Variants in PDE1C observed in about 807,000 individuals in gnomAD.
PDE1C encodes the protein phosphodiesterase 1C, also known as dual specificity calcium/calmodulin-dependent 3',5'-cyclic nucleotide phosphodiesterase 1C.
In PDE1C, 62 loss-of-function variants were observed where a neutral mutation model predicts 93.1. The observed-to-expected ratio is 0.67, with a 90% CI of 0.54 to 0.82. The LOEUF (loss-of-function observed/expected upper bound fraction) is 0.82, where lower values mean the gene tolerates loss of function less well. Ranked by LOEUF, PDE1C falls within the 40% of genes least tolerant of loss-of-function variation. The pLI is 0.00. For synonymous variants in PDE1C, 325 were observed against 310.1 expected (o/e 1.05, Z -0.50); for missense variants, 742 against 884.6 (o/e 0.84, Z 2.04).
intron 8 of PDE1C, among the ~76,000 whole-genome samples, chr7:31,848,776 A>C (rs1269610833): frequency 6.6e-6 from 1 of 152,202 alleles, no homozygotes; most frequent in Non-Finnish European, 1.5e-5. Context: ...ACTTAAAAAA[A>C]CTTGTTAGAG....
intron 1 of PDE1C, among the ~76,000 whole-genome samples, chr7:32,414,212 C>CAA (rs112389316): frequency 9.6e-6 from 1 of 104,050 alleles, no homozygotes; most frequent in African/African-American, 3.5e-5. Flanking sequence ...GACCCAGTCT[C>CAA]AAAAAAAAAA....
rs566565680 is a variant in PDE1C at position 32,088,496 on chromosome 7, G to A, written c.308+81289C>T. 1.8e-4 allele frequency among the ~76,000 whole-genome samples: 28 copies of A among 152,362 alleles called. No homozygotes were observed. In the South Asian group the frequency reaches 2.5e-3, roughly 14 times the overall value. ...CGGGCCTTTCTAATCTGCCTAGTCC[G>A]CCAAGGCGGCCGGAGCCCTGCAGTG... On this transcript the variant is annotated intron_variant, in intron 3 of 18. Coordinates refer to the PDE1C transcript ENST00000396193.
intron 16 of PDE1C, among the ~76,000 whole-genome samples, chr7:31,782,107 G>A (rs143771351): frequency 6.6e-6 from 1 of 152,268 alleles, no homozygotes; most frequent in East Asian, 1.9e-4. Context: ...TAAAATAAAA[G>A]CGTATAAGTT....
intron 2 of PDE1C, among the ~76,000 whole-genome samples, chr7:31,927,615 T>C (rs929026062): frequency 1.3e-5 from 2 of 152,158 alleles, no homozygotes; most frequent in African/African-American, 4.8e-5. Context: ...GCAGCAATCT[T>C]TGCTTTTCTG....
intron 1 of PDE1C, among the ~76,000 whole-genome samples, chr7:32,368,901 A>T (rs946137343): frequency 1.3e-5 from 2 of 152,112 alleles, no homozygotes; most frequent in African/African-American, 4.8e-5. Flanking sequence ...GGAGAAAGAC[A>T]CTCTCATCAA....
chr7:32,126,981 C>G (rs1437789023), intron 3 of PDE1C, among the ~76,000 whole-genome samples: 1 of 152,072 alleles, frequency 6.6e-6, no homozygotes, highest in Non-Finnish European at 1.5e-5. Context: ...ATAAGATTAA[C>G]ATTTGAATTG....
intron 2 of PDE1C, among the ~76,000 whole-genome samples, chr7:31,953,696 T>C (rs192058728): frequency 3.3e-5 from 5 of 152,158 alleles, no homozygotes; most frequent in Admixed American, 2.0e-4. Context: ...AGCTGTCTCA[T>C]AGGATCCCAT....
chr7:31,710,648 A>G, the PDE1C span, among the ~76,000 whole-genome samples: 11 of 152,354 alleles, frequency 7.2e-5, no homozygotes, highest in South Asian at 1.2e-3. Flanking sequence ...GGCTGGTTAC[A>G]TGATGGATTT....
chr7:32,171,590 T>G (rs1802656206), intron 2 of PDE1C, among the ~76,000 whole-genome samples: 1 of 150,454 alleles, frequency 6.6e-6, no homozygotes, highest in African/African-American at 2.4e-5. Context: ...TTATTGAAAT[T>G]ATTATTTTAC....
At chr7:32,426,230 CCTTT>C (rs1583440102) in intron 1 of PDE1C, among the ~76,000 whole-genome samples, 1 of 150,686 alleles carries the variant, frequency 6.6e-6, no homozygotes, top group Non-Finnish European at 1.5e-5. Context: ...TCCATAATTT[CCTTT>C]GAGTTTCATG....
chr7:32,206,510 A>C (rs1299501204), intron 2 of PDE1C, among the ~76,000 whole-genome samples: 1 of 152,166 alleles, frequency 6.6e-6, no homozygotes, highest in Non-Finnish European at 1.5e-5. Flanking sequence ...CCCCACAGCC[A>C]GCTGACTTCA....
At chr7:32,070,611 G>A, upstream of PDE1C, 1 of 1,417,728 alleles carries the variant, frequency 7.1e-7, no homozygotes, top group Non-Finnish European at 9.2e-7. Context: ...GCAGCTGCGG[G>A]AACCAGCCAT....
intron 1 of PDE1C, among the ~76,000 whole-genome samples, chr7:32,308,978 G>A (rs1012780479): frequency 6.6e-6 from 1 of 151,572 alleles, no homozygotes; most frequent in Non-Finnish European, 1.5e-5. Context: ...TCAAACCAAT[G>A]GCAAAGAAGT....
chr7:32,296,295 C>T (rs904419873), intron 1 of PDE1C, among the ~76,000 whole-genome samples: 2 of 152,120 alleles, frequency 1.3e-5, no homozygotes, highest in Admixed American at 6.5e-5. Context: ...ATCACATTGC[C>T]CCAAGAATAC....
intron 17 of PDE1C, among the ~76,000 whole-genome samples, chr7:31,770,430 G>A (rs1000518931): frequency 6.6e-6 from 1 of 152,130 alleles, no homozygotes; most frequent in Admixed American, 6.5e-5. Flanking sequence ...TTTCTTGGTT[G>A]TTTGCACGTT....
chr7:31,871,861 G>A (rs115069072), intron 6 of PDE1C, among the ~76,000 whole-genome samples: 1 of 151,510 alleles, frequency 6.6e-6, no homozygotes, highest in African/African-American at 2.4e-5. Context: ...CTCACTACTG[G>A]GTATTTATTA....
chr7:31,970,159 T>C (rs7794054), intron 2 of PDE1C, among the ~76,000 whole-genome samples: 1 of 151,830 alleles, frequency 6.6e-6, no homozygotes, highest in African/African-American at 2.4e-5. Context: ...AAAATTTTTT[T>C]AAAAAAGAAA....
intron 2 of PDE1C, among the ~76,000 whole-genome samples, chr7:32,027,734 A>T (rs1789675357): frequency 7.6e-6 from 1 of 132,360 alleles, no homozygotes; most frequent in African/African-American, 2.6e-5. Context: ...TGCGTTACAA[A>T]TGACTGCAAA....
intron 3 of PDE1C, among the ~76,000 whole-genome samples, chr7:32,162,199 T>C (rs1417397419): frequency 1.3e-5 from 2 of 152,188 alleles, no homozygotes; most frequent in Admixed American, 1.3e-4. Context: ...AAGTACAAGA[T>C]ACTAAAGAAA....
Sources: allele counts gnomAD v4.1 joint callset (sites outside exome capture counted in the v4.1 genomes callset), GRCh38; gene constraint gnomAD v4.1.1; transcripts MANE v1.5; gene names NCBI Gene and HGNC (gene_info 2026-07-23, HGNC 2026-07-21).